The following PSMA1 variants were observed in gnomAD, a reference collection of about 807,000 sequenced individuals.
PSMA1 encodes proteasome subunit alpha type-1.
In PSMA1, 3 loss-of-function variants were observed where a neutral mutation model predicts 38.4. That is an observed-to-expected ratio of 0.08 (90% CI 0.04 to 0.20). PSMA1 has a LOEUF of 0.20. Among genes scored for constraint, PSMA1 ranks in the 10% least tolerant of loss-of-function variants. The pLI, the probability that PSMA1 is intolerant of heterozygous loss-of-function variation, is 1.00. For missense variants in PSMA1, 227 were observed against 325.3 expected, an observed-to-expected ratio of 0.70 and a Z score of 2.32; for synonymous variants, 101 against 107.1, an observed-to-expected ratio of 0.94 and a Z score of 0.35.
chr11:14,581,392 C>A (rs1852280612), intron 2 of PSMA1, among the ~76,000 whole-genome samples: 1 of 152,180 alleles, frequency 6.6e-6, no homozygotes, highest in Admixed American at 6.5e-5. Context: ...ACCAATTAGA[C>A]AAGTTAATTA....
chr11:14,549,532 T>C (rs1420132774), intron 2 of PSMA1, among the ~76,000 whole-genome samples: 1 of 151,872 alleles, frequency 6.6e-6, no homozygotes, highest in Non-Finnish European at 1.5e-5. Context: ...AAACCCTGTC[T>C]CTACTAAAAA....
chr11:14,563,369 C>T (rs1163316340), intron 2 of PSMA1, among the ~76,000 whole-genome samples: 4 of 152,162 alleles, frequency 2.6e-5, no homozygotes, highest in Non-Finnish European at 4.4e-5. Context: ...TGTACCTTTA[C>T]CATTTTCCTC....
At chr11:14,623,264 A>G (rs1565060935) in intron 1 of PSMA1, among the ~76,000 whole-genome samples, 2 of 152,198 alleles carry the variant, frequency 1.3e-5, no homozygotes, top group Non-Finnish European at 2.9e-5. Flanking sequence ...CAACTGAAGT[A>G]GAAGGAAAGC....
At chr11:14,633,306 A>G (rs1853058623) in intron 1 of PSMA1, among the ~76,000 whole-genome samples, 2 of 151,892 alleles carry the variant, frequency 1.3e-5, no homozygotes, top group Admixed American at 1.3e-4. Flanking sequence ...TGATGTACAG[A>G]TGGGTTTTTG....
intron 2 of PSMA1, among the ~76,000 whole-genome samples, chr11:14,566,380 C>T (rs980536427): frequency 6.6e-6 from 1 of 152,022 alleles, no homozygotes; most frequent in Non-Finnish European, 1.5e-5. Context: ...GAGGGTAGAG[C>T]TAATAGGATT....
At chr11:14,627,453 T>C (rs11827335) in intron 1 of PSMA1, among the ~76,000 whole-genome samples, 2,815 of 152,284 alleles carry the variant, frequency 0.018, 84 homozygotes, top group African/African-American at 0.065. Flanking sequence ...GTAAAAGTTA[T>C]CTGGATGGTT....
chr11:14,527,853 G>A (rs887105191), intron 2 of PSMA1, among the ~76,000 whole-genome samples: 8 of 152,098 alleles, frequency 5.3e-5, no homozygotes, highest in Non-Finnish European at 7.4e-5. Context: ...TCTTTAAGTG[G>A]ATAGAAGATC....
Position 14,513,926 on chromosome 11 carries a change from A to G in PSMA1, c.344-39T>C. On this transcript the variant is annotated intron_variant, in intron 5 of 9. Coordinates refer to ENST00000396394, the MANE Select transcript of PSMA1 (RefSeq NM_002786.4). ...ACGAGCTTGTTTTAACAAGGAATGAAGTACTGTCTTTATTTTCAAATTATA... is the reference window on the plus strand; with the variant it reads ...ACGAGCTTGTTTTAACAAGGAATGAGGTACTGTCTTTATTTTCAAATTATA... The G allele has an allele frequency of 1.9e-6, 3 of 1,549,554 alleles. No individual in the cohort carries two copies. The South Asian group carries it at 3.7e-5, about 19-fold the overall frequency.
chr11:14,525,787 A>C (rs1272513853), intron 2 of PSMA1, among the ~76,000 whole-genome samples: 3 of 152,148 alleles, frequency 2.0e-5, no homozygotes, highest in Non-Finnish European at 4.4e-5. Flanking sequence ...CCTGACACCC[A>C]TCAGTCCCAG....
chr11:14,643,623 G>A (rs1378129290), upstream of PSMA1: 1 of 151,188 alleles, frequency 6.6e-6, no homozygotes, highest in Non-Finnish European at 1.5e-5. Flanking sequence ...TCGCGTCCCT[G>A]TTGGGCGGCC....
At chr11:14,585,189 T>C (rs1307595217) in intron 2 of PSMA1, among the ~76,000 whole-genome samples, 1 of 152,220 alleles carries the variant, frequency 6.6e-6, no homozygotes, top group African/African-American at 2.4e-5. Context: ...TATCCAGGCC[T>C]AGCTTTCTCT....
At chr11:14,569,521 C>T (rs1025736078) in intron 2 of PSMA1, among the ~76,000 whole-genome samples, 2 of 152,242 alleles carry the variant, frequency 1.3e-5, no homozygotes, top group Admixed American at 1.3e-4. Flanking sequence ...TAACACTGCA[C>T]TTTTCCATCA....
intron 1 of PSMA1, among the ~76,000 whole-genome samples, chr11:14,642,807 C>A (rs558313128): frequency 1.3e-5 from 2 of 152,274 alleles, no homozygotes; most frequent in African/African-American, 4.8e-5. Flanking sequence ...CCTAATGTTG[C>A]TAGTTTCACC....
At chr11:14,542,981 G>A (rs993817394) in intron 2 of PSMA1, among the ~76,000 whole-genome samples, 18 of 151,974 alleles carry the variant, frequency 1.2e-4, no homozygotes, top group African/African-American at 3.4e-4. Context: ...TCAGCCTCCC[G>A]AGTAGCTGGG....
At chr11:14,629,051 T>C (rs1273144145) in intron 1 of PSMA1, among the ~76,000 whole-genome samples, 4 of 151,702 alleles carry the variant, frequency 2.6e-5, no homozygotes, top group African/African-American at 7.3e-5. Context: ...GAGTTCATTG[T>C]AGATTCTGGA....
At chr11:14,597,217 T>A (rs189482712) in intron 2 of PSMA1, among the ~76,000 whole-genome samples, 207 of 152,348 alleles carry the variant, frequency 1.4e-3, no homozygotes, top group African/African-American at 4.6e-3. Flanking sequence ...TTTTTTGTTG[T>A]GTCTGTGCCA....
chr11:14,525,261 C>G (rs972588181), upstream of PSMA1, among the ~76,000 whole-genome samples: 2 of 152,112 alleles, frequency 1.3e-5, no homozygotes, highest in African/African-American at 4.8e-5. Flanking sequence ...CCTGATTATT[C>G]CTGGACTACA....
intron 1 of PSMA1, among the ~76,000 whole-genome samples, chr11:14,641,782 G>A (rs550145988): frequency 6.6e-6 from 1 of 152,166 alleles, no homozygotes; most frequent in East Asian, 1.9e-4. Flanking sequence ...AATATAAAAG[G>A]TTGCTCTTGG....
intron 1 of PSMA1, among the ~76,000 whole-genome samples, chr11:14,638,543 CTCTATATATATATA>C (rs1409721734): frequency 9.6e-3 from 128 of 13,284 alleles, no homozygotes; most frequent in African/African-American, 0.011. Flanking sequence ...CTCTCTCTCT[CTCTATATATATATA>C]TATATATATA....
Sources: allele counts gnomAD v4.1 joint callset (sites outside exome capture counted in the v4.1 genomes callset), GRCh38; gene constraint gnomAD v4.1.1; transcripts MANE v1.5; gene names NCBI Gene and HGNC (gene_info 2026-07-23, HGNC 2026-07-21).